RGS21: variants seen among roughly 807,000 people sequenced by gnomAD.
RGS21 encodes the protein regulator of G protein signaling 21, also known as regulator of G-protein signalling 21.
RGS21 carries 19 observed loss-of-function variants against 18.7 expected under a neutral mutation model. The ratio of observed to expected loss-of-function variants is 1.01; its 90% confidence interval spans 0.71 to 1.49. The LOEUF (loss-of-function observed/expected upper bound fraction) is 1.49, where lower values mean the gene tolerates loss of function less well. RGS21 is among the 40% of genes most tolerant of loss of function. The probability of loss-of-function intolerance (pLI) is 0.00; values close to 1 mark genes in which losing one functional copy is unlikely to be tolerated. For missense variants in RGS21, 194 were observed against 176.8 expected (o/e 1.10, Z -0.55); for synonymous variants, 56 against 57.8 (o/e 0.97, Z 0.14).
intron 1 of RGS21, among the ~76,000 whole-genome samples, chr1:192,333,161 A>G (rs1658684839): frequency 6.6e-6 from 1 of 152,040 alleles, no homozygotes; most frequent in Non-Finnish European, 1.5e-5. Context: ...AAATGTCTTT[A>G]ATGACAAAAC....
chr1:192,346,242 T>C (rs1658942623), intron 2 of RGS21, among the ~76,000 whole-genome samples: 1 of 152,170 alleles, frequency 6.6e-6, no homozygotes, highest in East Asian at 1.9e-4. Flanking sequence ...GTAGAGGAAG[T>C]ACAATCAATC....
Position 192,366,296 on chromosome 1 carries a change from T to A in RGS21, c.*172T>A, listed in dbSNP as rs1659259450. 3.6e-6 allele frequency: 2 copies of A among 557,260 alleles called. No homozygotes were observed. Among genetic ancestry groups the A allele is most frequent in the African/African-American group, 1.9e-5 (1 of 52,374 alleles). 34.5% of individuals were successfully genotyped at this position (557,260 alleles called of 1,614,324 possible). A position where few individuals can be genotyped will look rare whatever the true frequency, so the allele number is the denominator to read the frequency against. On this transcript the variant is annotated 3_prime_UTR_variant, in exon 5 of 5. Transcript: ENST00000417209. ...GAATTTCTAACTCAGTTGTTTAGAA[T>A]GTATTTGCTTTACCAGCTATTTAAT...
At chr1:192,348,020 G>GT (rs1352862695) in intron 3 of RGS21, among the ~76,000 whole-genome samples, 1 of 115,896 alleles carries the variant, frequency 8.6e-6, no homozygotes, top group African/African-American at 3.9e-5. Context: ...ATATATATAT[G>GT]TATTTTTTTT....
intron 1 of RGS21, among the ~76,000 whole-genome samples, chr1:192,324,620 CA>C (rs1658541390): frequency 6.6e-6 from 1 of 150,882 alleles, no homozygotes; most frequent in East Asian, 1.9e-4. Context: ...CGTGCACACA[CA>C]CACACATAAT....
chr1:192,319,465 T>G (rs1658465444), intron 1 of RGS21, among the ~76,000 whole-genome samples: 1 of 152,134 alleles, frequency 6.6e-6, no homozygotes, highest in Admixed American at 6.6e-5. Flanking sequence ...GGAAAGAATT[T>G]TACATGCTCT....
At chr1:192,362,174 G>A (rs774643600) in intron 4 of RGS21, among the ~76,000 whole-genome samples, 1 of 152,056 alleles carries the variant, frequency 6.6e-6, no homozygotes, top group Non-Finnish European at 1.5e-5. Flanking sequence ...ACACTGAGAT[G>A]TTTAACTTTT....
intron 1 of RGS21, among the ~76,000 whole-genome samples, chr1:192,319,302 C>T (rs983790724): frequency 6.6e-6 from 1 of 151,902 alleles, no homozygotes; most frequent in Admixed American, 6.6e-5. Flanking sequence ...TCCCTTCCAA[C>T]TTTTTTTTAT....
intron 1 of RGS21, among the ~76,000 whole-genome samples, chr1:192,322,912 TA>T: frequency 6.6e-6 from 1 of 152,250 alleles, no homozygotes; most frequent in South Asian, 2.1e-4. Context: ...AGAGTTTAAA[TA>T]TCAGTAATAT....
At chr1:192,344,815 T>C (rs1279368371) in intron 2 of RGS21, among the ~76,000 whole-genome samples, 1 of 152,074 alleles carries the variant, frequency 6.6e-6, no homozygotes, top group African/African-American at 2.4e-5. Context: ...CAGGCATTGC[T>C]ACACACCAGC....
At chr1:192,336,663 T>C (rs1416938836) in intron 1 of RGS21, among the ~76,000 whole-genome samples, 1 of 152,108 alleles carries the variant, frequency 6.6e-6, no homozygotes, top group Non-Finnish European at 1.5e-5. Context: ...AATGGTTGAA[T>C]ATCCCTAAGA....
intron 1 of RGS21, among the ~76,000 whole-genome samples, chr1:192,342,228 T>C (rs1658881615): frequency 6.6e-6 from 1 of 152,058 alleles, no homozygotes; most frequent in African/African-American, 2.4e-5. Context: ...TGAATTTTAC[T>C]ACCAAAGAAC....
intron 4 of RGS21, among the ~76,000 whole-genome samples, chr1:192,355,827 A>G (rs1353206883): frequency 6.6e-6 from 1 of 151,224 alleles, no homozygotes; most frequent in African/African-American, 2.4e-5. Flanking sequence ...TATATATTAT[A>G]TTTATGTCAT....
intron 4 of RGS21, among the ~76,000 whole-genome samples, chr1:192,359,946 T>G (rs1659164809): frequency 6.6e-6 from 1 of 151,766 alleles, no homozygotes; most frequent in South Asian, 2.1e-4. Context: ...TAACAAAACA[T>G]ATGACTCCCT....
intron 1 of RGS21, among the ~76,000 whole-genome samples, chr1:192,322,591 C>T (rs1402823541): frequency 6.6e-6 from 1 of 151,962 alleles, no homozygotes; most frequent in Admixed American, 6.6e-5. Flanking sequence ...TCTTCTAAAT[C>T]AAATCTCCTC....
chr1:192,323,947 G>C (rs557820740), intron 1 of RGS21, among the ~76,000 whole-genome samples: 2 of 151,848 alleles, frequency 1.3e-5, no homozygotes, highest in East Asian at 3.9e-4. Context: ...TTGTTTGTAA[G>C]GAAAAAAAAC....
At chr1:192,344,073 T>C (rs933369264) in intron 2 of RGS21, among the ~76,000 whole-genome samples, 3 of 152,072 alleles carry the variant, frequency 2.0e-5, no homozygotes, top group African/African-American at 7.2e-5. Flanking sequence ...CTATTTTTAT[T>C]TGATAGTGTA....
chr1:192,334,778 T>A (rs920501601), intron 1 of RGS21, among the ~76,000 whole-genome samples: 4 of 152,170 alleles, frequency 2.6e-5, no homozygotes, highest in African/African-American at 9.6e-5. Context: ...TGTGAAATCA[T>A]TTGTTAAATT....
intron 4 of RGS21, among the ~76,000 whole-genome samples, chr1:192,353,093 A>G (rs959055778): frequency 6.6e-6 from 1 of 152,034 alleles, no homozygotes; most frequent in Non-Finnish European, 1.5e-5. Flanking sequence ...ACATCTTTAT[A>G]AGTGACAGTT....
At chr1:192,357,482 G>A (rs1456957212) in intron 4 of RGS21, among the ~76,000 whole-genome samples, 1 of 151,832 alleles carries the variant, frequency 6.6e-6, no homozygotes, top group Non-Finnish European at 1.5e-5. Context: ...TATCTGTACA[G>A]AGATTTTACA....
Sources: gnomAD v4.1 joint callset for allele counts (sites outside exome capture counted in the v4.1 genomes callset) on GRCh38, gnomAD v4.1.1 for gene constraint, MANE v1.5 for transcripts, NCBI Gene and HGNC (gene_info 2026-07-23, HGNC 2026-07-21) for gene names.